EDIL3: variants seen among roughly 807,000 people sequenced by gnomAD.
EDIL3 encodes EGF like and discoidin domains 3, also known as EGF-like repeat and discoidin I-like domain-containing protein 3.
In EDIL3, 37 loss-of-function variants were observed where a neutral mutation model predicts 67.4. The ratio of observed to expected loss-of-function variants is 0.55; its 90% confidence interval spans 0.42 to 0.72. The LOEUF (loss-of-function observed/expected upper bound fraction) is 0.72, where lower values mean the gene tolerates loss of function less well. Ranked by LOEUF, EDIL3 falls within the 30% of genes least tolerant of loss-of-function variation. EDIL3 has a pLI of 0.00. For synonymous variants in EDIL3, 195 were observed against 196.3 expected, an observed-to-expected ratio of 0.99 and a Z score of 0.05; for missense variants, 527 against 586.3, an observed-to-expected ratio of 0.90 and a Z score of 1.04.
At chr5:83,954,371 G>A (rs1744475018) in intron 10 of EDIL3, among the ~76,000 whole-genome samples, 2 of 151,718 alleles carry the variant, frequency 1.3e-5, no homozygotes, top group Non-Finnish European at 1.5e-5. Flanking sequence ...GAGGTGCTGG[G>A]TCATGGGGGC....
intron 6 of EDIL3, among the ~76,000 whole-genome samples, chr5:84,103,993 T>C (rs1747414014): frequency 6.6e-6 from 1 of 151,952 alleles, no homozygotes; most frequent in Admixed American, 6.6e-5. Flanking sequence ...GTAGACTGGG[T>C]AAAGAAAATC....
intron 3 of EDIL3, among the ~76,000 whole-genome samples, chr5:84,188,846 C>T (rs947520252): frequency 2.6e-5 from 4 of 152,098 alleles, no homozygotes; most frequent in African/African-American, 9.6e-5. Flanking sequence ...ATCTCCAGAG[C>T]CTCCAGAACC....
At chr5:84,086,513 T>C (rs1044716686) in intron 6 of EDIL3, among the ~76,000 whole-genome samples, 1 of 152,110 alleles carries the variant, frequency 6.6e-6, no homozygotes, top group South Asian at 2.1e-4. Flanking sequence ...TGAGATGAAC[T>C]GGGTACCTTA....
intron 9 of EDIL3, among the ~76,000 whole-genome samples, chr5:84,044,804 G>A (rs1746191876): frequency 6.6e-6 from 1 of 152,124 alleles, no homozygotes; most frequent in South Asian, 2.1e-4. Flanking sequence ...GGCAGCAGTT[G>A]GCACCATAAG....
intron 1 of EDIL3, among the ~76,000 whole-genome samples, chr5:84,278,297 T>C (rs1445743): frequency 0.81 from 123,677 of 152,098 alleles, 50,635 homozygotes; most frequent in East Asian, 0.95. Flanking sequence ...TCCTCCAAAT[T>C]ACGTCATCTG....
chr5:84,381,869 G>T (rs1748082851), intron 1 of EDIL3, among the ~76,000 whole-genome samples: 1 of 152,170 alleles, frequency 6.6e-6, no homozygotes, highest in South Asian at 2.1e-4. Flanking sequence ...CTAATAAAAG[G>T]AGTTACATAT....
chr5:84,305,929 A>AG (rs1746266037), intron 1 of EDIL3, among the ~76,000 whole-genome samples: 1 of 151,928 alleles, frequency 6.6e-6, no homozygotes, highest in Non-Finnish European at 1.5e-5. Flanking sequence ...ATAGATAGAT[A>AG]AATAAATAAA....
intron 6 of EDIL3, among the ~76,000 whole-genome samples, chr5:84,068,025 G>C (rs1032165078): frequency 1.3e-5 from 2 of 152,126 alleles, no homozygotes; most frequent in South Asian, 2.1e-4. Flanking sequence ...GGTTCAAAAA[G>C]ACAATATCCC....
chr5:84,217,117 A>T (rs1744240300), intron 3 of EDIL3, among the ~76,000 whole-genome samples: 1 of 143,934 alleles, frequency 6.9e-6, no homozygotes, highest in Non-Finnish European at 1.5e-5. Context: ...AATATTTAAC[A>T]TTGGAGTAAA....
intron 1 of EDIL3, among the ~76,000 whole-genome samples, chr5:84,354,521 G>A (rs1396418541): frequency 6.6e-6 from 1 of 151,904 alleles, no homozygotes; most frequent in Non-Finnish European, 1.5e-5. Flanking sequence ...GCCGGGTATG[G>A]TGGTGCATGC....
At chr5:84,085,960 G>A (rs1364047952) in intron 6 of EDIL3, among the ~76,000 whole-genome samples, 1 of 152,126 alleles carries the variant, frequency 6.6e-6, no homozygotes, top group African/African-American at 2.4e-5. Flanking sequence ...GCACTGTCAC[G>A]GGAAAACCAC....
intron 9 of EDIL3, among the ~76,000 whole-genome samples, chr5:83,996,388 C>T (rs1745238701): frequency 6.6e-6 from 1 of 152,182 alleles, no homozygotes; most frequent in South Asian, 2.1e-4. Context: ...GCAGAAGGAA[C>T]AAGGCTGCCA....
intron 1 of EDIL3, among the ~76,000 whole-genome samples, chr5:84,334,984 A>T (rs577385119): frequency 3.2e-4 from 49 of 152,178 alleles, no homozygotes; most frequent in Non-Finnish European, 6.0e-4. Context: ...TATTTTTTTT[A>T]AAAGAATCCC....
At chr5:84,162,325 G>A (rs1480840128) in intron 4 of EDIL3, among the ~76,000 whole-genome samples, 1 of 152,048 alleles carries the variant, frequency 6.6e-6, no homozygotes, top group Non-Finnish European at 1.5e-5. Flanking sequence ...CCAGGACAAG[G>A]GGTCCCTCCT....
intron 9 of EDIL3, among the ~76,000 whole-genome samples, chr5:83,973,205 T>C (rs1744821966): frequency 6.6e-6 from 1 of 152,024 alleles, no homozygotes; most frequent in African/African-American, 2.4e-5. Flanking sequence ...TTTGACTTAT[T>C]ACATGAATAA....
At chr5:84,312,514 C>A (rs1350048124) in intron 1 of EDIL3, among the ~76,000 whole-genome samples, 2 of 140,900 alleles carry the variant, frequency 1.4e-5, no homozygotes, top group Non-Finnish European at 3.1e-5. Flanking sequence ...AGGGGGCTGA[C>A]CCCCCCACCT....
chr5:84,128,110 T>C (rs1414926234), intron 5 of EDIL3, among the ~76,000 whole-genome samples: 1 of 152,090 alleles, frequency 6.6e-6, no homozygotes, highest in Admixed American at 6.6e-5. Flanking sequence ...CCAAGTGTGC[T>C]GATTCAGTTG....
chr5:84,211,044 G>A lies in EDIL3; in HGVS notation c.226+18811C>T, dbSNP rs181135649. ...ATTCATGTCCAAATCCCTGGAACCTGTGAATATTACATTATTTGAAAAAGT... is the reference window on the plus strand; with the variant it reads ...ATTCATGTCCAAATCCCTGGAACCTATGAATATTACATTATTTGAAAAAGT... On this transcript the variant is annotated intron_variant, in intron 3 of 10. Coordinates refer to ENST00000296591, the MANE Select transcript of EDIL3 (RefSeq NM_005711.5). 8.1e-4 allele frequency among the ~76,000 whole-genome samples: 123 copies of A among 152,290 alleles called. No individual in the cohort carries two copies. The Middle Eastern group carries it at 0.017, about 21-fold the overall frequency.
intron 3 of EDIL3, among the ~76,000 whole-genome samples, chr5:84,211,795 T>C (rs1404731082): frequency 2.0e-5 from 3 of 152,206 alleles, no homozygotes; most frequent in Non-Finnish European, 2.9e-5. Context: ...TAAAAGAGTG[T>C]TGTTTTAAGC....
Sources: allele counts gnomAD v4.1 joint callset (sites outside exome capture counted in the v4.1 genomes callset), GRCh38; gene constraint gnomAD v4.1.1; transcripts MANE v1.5; gene names NCBI Gene and HGNC (gene_info 2026-07-23, HGNC 2026-07-21).